Variants in ERC1 observed in about 807,000 individuals in gnomAD.
The protein encoded by ERC1 is RAB6 interacting protein 2.
ERC1 carries 56 observed loss-of-function variants against 132.0 expected under a neutral mutation model. That is an observed-to-expected ratio of 0.42 (90% confidence interval 0.34 to 0.53). ERC1 has a LOEUF of 0.53. Among genes scored for constraint, ERC1 ranks in the 20% least tolerant of loss-of-function variants. The pLI, the probability that ERC1 is intolerant of heterozygous loss-of-function variation, is 0.03. For synonymous variants in ERC1, 478 were observed against 476.1 expected (o/e 1.00, Z -0.05); for missense variants, 1,202 against 1,349.9 (o/e 0.89, Z 1.72).
rs1478751413 is a variant in ERC1, at chr12:1,246,735, C to T, written c.2487+9831C>T. Among the ~76,000 whole-genome samples, 4 of 152,276 alleles carry T rather than the reference C, an allele frequency of 2.6e-5. No homozygotes were observed. The East Asian group carries it at 7.7e-4, about 29-fold the overall frequency. On this transcript the variant is annotated intron_variant, in intron 13 of 18. Coordinates refer to ENST00000360905, the MANE Select transcript of ERC1 (RefSeq NM_178040.4). Reference sequence around the variant, plus strand: ...CCTTGATACAAGGCACTGAGAGGGACACAATATCATTTCTGTGTTATTCTT... The same window carrying T: ...CCTTGATACAAGGCACTGAGAGGGATACAATATCATTTCTGTGTTATTCTT...
intron 15 of ERC1, among the ~76,000 whole-genome samples, chr12:1,301,072 A>G (rs2080356466): frequency 6.6e-6 from 1 of 152,072 alleles, no homozygotes; most frequent in African/African-American, 2.4e-5. Context: ...CATTATTCTA[A>G]GTGAAGTAAC....
intron 18 of ERC1, among the ~76,000 whole-genome samples, chr12:1,456,517 C>G (rs2093538966): frequency 6.6e-6 from 1 of 151,738 alleles, no homozygotes; most frequent in Non-Finnish European, 1.5e-5. Flanking sequence ...TTTGAGACAC[C>G]CTATGACCAA....
rs117209087 is a variant in ERC1, at chr12:1,075,740, A to G, written c.670-7424A>G. Reference sequence around the variant, plus strand: ...AGACTGTCTCGGGGGAAAAGAAAAAAAAAGAAAATCACAAGGAAGAGAAAA... The same window carrying G: ...AGACTGTCTCGGGGGAAAAGAAAAAGAAAGAAAATCACAAGGAAGAGAAAA... On this transcript the variant is annotated intron_variant, in intron 2 of 18. Transcript: ENST00000360905. 4.2e-3 allele frequency among the ~76,000 whole-genome samples: 644 copies of G among 152,308 alleles called. 5 individuals carry two copies. Among genetic ancestry groups the G allele is most frequent in the Middle Eastern group, 0.01 (3 of 294 alleles).
At chr12:1,231,799 G>A (rs535884246) in intron 12 of ERC1, among the ~76,000 whole-genome samples, 1 of 152,150 alleles carries the variant, frequency 6.6e-6, no homozygotes, top group Non-Finnish European at 1.5e-5. Context: ...GAGTGCAGTG[G>A]CATGTTCTTG....
upstream of ERC1, among the ~76,000 whole-genome samples, chr12:990,883 C>G: frequency 6.6e-6 from 1 of 151,988 alleles, no homozygotes; most frequent in East Asian, 1.9e-4. Context: ...CAAGCGCCAC[C>G]CTGCGCTCGC....
chr12:1,127,837 T>C (rs974610749), intron 7 of ERC1, among the ~76,000 whole-genome samples: 1 of 152,160 alleles, frequency 6.6e-6, no homozygotes, highest in Non-Finnish European at 1.5e-5. Flanking sequence ...GAACTTCACA[T>C]GAATCAACGA....
chr12:1,002,860 T>TTATTA (rs1235028895), intron 1 of ERC1, among the ~76,000 whole-genome samples: 1 of 152,136 alleles, frequency 6.6e-6, no homozygotes, highest in Admixed American at 6.5e-5. Flanking sequence ...CTTTTTTTTC[T>TTATTA]TATTATAGGA....
chr12:1,257,646 C>T (rs1273901386), intron 13 of ERC1, among the ~76,000 whole-genome samples: 1 of 151,990 alleles, frequency 6.6e-6, no homozygotes, highest in Non-Finnish European at 1.5e-5. Context: ...CTGCTGACAG[C>T]CTGTAAGCTG....
intron 12 of ERC1, among the ~76,000 whole-genome samples, chr12:1,196,905 TACACACACACACACACACACACACACACA>T (rs1956333093): frequency 1.7e-5 from 1 of 57,718 alleles, no homozygotes; most frequent in African/African-American, 6.3e-5. Context: ...TCTGTCTCTC[TACACACACACACACACACACACACACACA>T]CACACACACA....
At chr12:1,412,445 G>C (rs925619665) in intron 17 of ERC1, among the ~76,000 whole-genome samples, 2 of 152,170 alleles carry the variant, frequency 1.3e-5, no homozygotes, top group Non-Finnish European at 2.9e-5. Context: ...CAGGAGAGGT[G>C]GTAAAACGTA....
At chr12:1,067,555 GA>G in intron 2 of ERC1, among the ~76,000 whole-genome samples, 1 of 152,272 alleles carries the variant, frequency 6.6e-6, no homozygotes, top group South Asian at 2.1e-4. Flanking sequence ...CTGAGCGCAG[GA>G]AAAAGTGCAG....
At chr12:1,067,974 C>T (rs111792905) in intron 2 of ERC1, among the ~76,000 whole-genome samples, 2 of 145,662 alleles carry the variant, frequency 1.4e-5, no homozygotes, top group East Asian at 4.0e-4. Flanking sequence ...CTCTGTCGCC[C>T]AGGCTGGAGT....
At chr12:1,046,332 C>G (rs1387132244) in intron 2 of ERC1, among the ~76,000 whole-genome samples, 1 of 152,114 alleles carries the variant, frequency 6.6e-6, no homozygotes, top group Non-Finnish European at 1.5e-5. Context: ...ATAGGGAACA[C>G]CACATTATAG....
chr12:1,076,482 C>T (rs1205223553), intron 2 of ERC1, among the ~76,000 whole-genome samples: 2 of 150,772 alleles, frequency 1.3e-5, no homozygotes, highest in Non-Finnish European at 2.9e-5. Flanking sequence ...GCAACCTCTG[C>T]CTCCCCGGTT....
intron 1 of ERC1, among the ~76,000 whole-genome samples, chr12:1,007,481 TCTCTCTCTC>T (rs1440985878): frequency 0.012 from 1,886 of 151,392 alleles, 46 homozygotes; most frequent in African/African-American, 0.042. Context: ...TCTCTCTCTC[TCTCTCTCTC>T]TCTTTCTCTC....
At chr12:1,320,877 A>G (rs1016691825) in intron 15 of ERC1, among the ~76,000 whole-genome samples, 6 of 151,892 alleles carry the variant, frequency 4.0e-5, no homozygotes, top group African/African-American at 1.5e-4. Flanking sequence ...AATTTTTTGT[A>G]TTTTTAGTAG....
intron 16 of ERC1, among the ~76,000 whole-genome samples, chr12:1,379,266 A>G (rs908262082): frequency 6.6e-6 from 1 of 152,226 alleles, no homozygotes; most frequent in African/African-American, 2.4e-5. Context: ...CTCTGAGTTC[A>G]TTCAGTACAT....
At chr12:1,169,669 G>T (rs983903593) in intron 8 of ERC1, among the ~76,000 whole-genome samples, 1 of 152,108 alleles carries the variant, frequency 6.6e-6, no homozygotes, top group Admixed American at 6.6e-5. Context: ...TAGACCTGGC[G>T]AAAATAAAAA....
chr12:1,404,009 C>T (rs1234388399), intron 16 of ERC1, among the ~76,000 whole-genome samples: 2 of 152,210 alleles, frequency 1.3e-5, no homozygotes. Context: ...TGAAATACCA[C>T]ATGCCATAAG....
Sources: allele counts gnomAD v4.1 joint callset (sites outside exome capture counted in the v4.1 genomes callset), GRCh38; gene constraint gnomAD v4.1.1; transcripts MANE v1.5; gene names NCBI Gene and HGNC (gene_info 2026-07-23, HGNC 2026-07-21).